DNAJB6: variants seen among roughly 807,000 people sequenced by gnomAD.
DNAJB6 encodes the protein dnaJ homolog subfamily B member 6.
DNAJB6 carries 16 observed loss-of-function variants against 42.7 expected under a neutral mutation model. The ratio of observed to expected loss-of-function variants is 0.37; its 90% confidence interval spans 0.25 to 0.57. The LOEUF is 0.57. Among genes scored for constraint, DNAJB6 ranks in the 20% least tolerant of loss-of-function variants. DNAJB6 has a pLI of 0.74. For synonymous variants in DNAJB6, 170 were observed against 163.5 expected (o/e 1.04, Z -0.30); for missense variants, 347 against 416.8 (o/e 0.83, Z 1.46).
chr7:157,365,837 T>G (rs182121868), intron 3 of DNAJB6, among the ~76,000 whole-genome samples: 1 of 150,990 alleles, frequency 6.6e-6, no homozygotes, highest in East Asian at 2.0e-4. Flanking sequence ...GCTAATTTTG[T>G]ATTTTTAGTA....
intron 7 of DNAJB6, 115 bp downstream of exon 7, chr7:157,385,123 G>T: frequency 1.8e-6 from 2 of 1,110,764 alleles, no homozygotes; most frequent in Non-Finnish European, 2.5e-6. Flanking sequence ...TAAATCTGGC[G>T]CCATGAAAAT....
Position 157,369,701 on chromosome 7 carries a change from C to T in DNAJB6, c.346+2218C>T, listed in dbSNP as rs187712626. ...TTATTATTAAACAGGCCTTTCATAACGTTATTATTAAACGGGCCCCTTCTT... is the reference window on the plus strand; with the variant it reads ...TTATTATTAAACAGGCCTTTCATAATGTTATTATTAAACGGGCCCCTTCTT... On this transcript the variant is annotated intron_variant, in intron 5 of 9. Transcript: ENST00000262177. 8.8e-3 allele frequency among the ~76,000 whole-genome samples: 1,264 copies of T among 143,086 alleles called. 16 individuals carry two copies. Among genetic ancestry groups the T allele is most frequent in the Middle Eastern group, 0.032 (8 of 250 alleles). The allele number at this position is 143,086 out of a possible 152,430, so 93.9% of individuals were successfully genotyped here. A position where few individuals can be genotyped will look rare whatever the true frequency, so the allele number is the denominator to read the frequency against.
chr7:157,395,723 C>T (rs191984353), intron 8 of DNAJB6, among the ~76,000 whole-genome samples: 5 of 133,780 alleles, frequency 3.7e-5, no homozygotes, highest in South Asian at 4.6e-4. Context: ...CATGCTCTGT[C>T]GCCCAGGCTG....
In DNAJB6 at chr7:157,416,688, A is replaced by G. The variant is rs1475001643; in HGVS notation, c.*590A>G. 1 of 152,272 alleles carries G rather than the reference A, an allele frequency of 6.6e-6. No individual in the cohort carries two copies. The highest frequency in any genetic ancestry group is 1.5e-5 in the Non-Finnish European group (1 of 68,102). 9.4% of individuals were successfully genotyped at this position (152,272 alleles called of 1,614,324 possible). On this transcript the variant is annotated 3_prime_UTR_variant, in exon 10 of 10. Transcript: ENST00000262177. ...TACTCTTTTAATTTTCATCCTTTGC[A>G]GGTAGTGCAAATTCAACTTCAAATA...
intron 2 of DNAJB6, 52 bp downstream of exon 2, chr7:157,358,689 A>G (rs1409455466): frequency 2.9e-6 from 4 of 1,397,236 alleles, no homozygotes; most frequent in East Asian, 4.6e-5. Flanking sequence ...TACATTGGTA[A>G]TTGAGTAGTA....
At chr7:157,406,959 G>A (rs1236507050) in intron 8 of DNAJB6, among the ~76,000 whole-genome samples, 1 of 152,182 alleles carries the variant, frequency 6.6e-6, no homozygotes, top group African/African-American at 2.4e-5. Context: ...AGCCCTGGTC[G>A]AGGCTGGACC....
chr7:157,392,538 C>T (rs1482520502), intron 8 of DNAJB6, among the ~76,000 whole-genome samples: 1 of 152,084 alleles, frequency 6.6e-6, no homozygotes, highest in Non-Finnish European at 1.5e-5. Flanking sequence ...GTGTGGGAAA[C>T]AGCCAGCTTT....
chr7:157,339,603 G>T (rs1345442708), intron 1 of DNAJB6, among the ~76,000 whole-genome samples: 18 of 24,844 alleles, frequency 7.2e-4, no homozygotes, highest in South Asian at 2.5e-3. Flanking sequence ...CCGGCCTTTT[G>T]TGTGTGTGTG....
At chr7:157,387,515 T>C (rs1488191871) in intron 8 of DNAJB6, among the ~76,000 whole-genome samples, 1 of 152,220 alleles carries the variant, frequency 6.6e-6, no homozygotes, top group African/African-American at 2.4e-5. Context: ...CGTTTTATAT[T>C]TTTCATTAGT....
chr7:157,410,222 C>T lies in DNAJB6; in HGVS notation c.898+221C>T. ...GGCCCCCCACCGTTAAAACGGGGTC[C>T]GCGTGTCCTGTACGCAGCGTGTTGC... On this transcript the variant is annotated intron_variant, in intron 9 of 9. Transcript: ENST00000262177. The T allele has an allele frequency of 3.5e-6, 4 of 1,143,956 alleles. No individual in the cohort carries two copies. The South Asian group carries it at 5.3e-5, about 15-fold the overall frequency. 70.9% of individuals were successfully genotyped at this position (1,143,956 alleles called of 1,614,324 possible).
chr7:157,341,277 A>G (rs558183608), intron 1 of DNAJB6, among the ~76,000 whole-genome samples: 29 of 151,964 alleles, frequency 1.9e-4, no homozygotes, highest in Non-Finnish European at 3.5e-4. Flanking sequence ...GGCACCTGCC[A>G]CTGCTCCCGA....
rs1006139938 is a variant in DNAJB6 at position 157,416,697 on chromosome 7, A to G, written c.*599A>G. 1.3e-5 allele frequency: 2 copies of G among 152,292 alleles called. No individual in the cohort carries two copies. Among genetic ancestry groups the G allele is most frequent in the African/African-American group, 4.8e-5 (2 of 41,464 alleles). The allele number at this position is 152,292 out of a possible 1,614,324, so 9.4% of individuals were successfully genotyped here. On this transcript the variant is annotated 3_prime_UTR_variant, in exon 10 of 10. Coordinates refer to ENST00000262177, the MANE Select transcript of DNAJB6 (RefSeq NM_058246.4). ...AATTTTCATCCTTTGCAGGTAGTGC[A>G]AATTCAACTTCAAATATGGTGTAGG...
chr7:157,388,010 T>C (rs998380857), intron 8 of DNAJB6, among the ~76,000 whole-genome samples: 3 of 152,110 alleles, frequency 2.0e-5, no homozygotes, highest in Non-Finnish European at 4.4e-5. Context: ...CACACTCAGC[T>C]AATTTTTGTA....
At chr7:157,341,536 C>T (rs1798381619) in intron 1 of DNAJB6, among the ~76,000 whole-genome samples, 1 of 152,138 alleles carries the variant, frequency 6.6e-6, no homozygotes, top group South Asian at 2.1e-4. Context: ...TACCTTTTGC[C>T]ACCAAAGGCT....
intron 6 of DNAJB6, among the ~76,000 whole-genome samples, chr7:157,383,907 T>C (rs909159721): frequency 6.6e-6 from 1 of 152,260 alleles, no homozygotes; most frequent in African/African-American, 2.4e-5. Context: ...TTGGATATAC[T>C]GTATTAAATA....
chr7:157,338,908 G>A (rs1474977400), intron 1 of DNAJB6, among the ~76,000 whole-genome samples: 1 of 152,212 alleles, frequency 6.6e-6, no homozygotes, highest in African/African-American at 2.4e-5. Context: ...AGGTGAGAAA[G>A]TTGGGAATTC....
intron 5 of DNAJB6, chr7:157,380,938 G>A (rs957471403): frequency 4.6e-5 from 7 of 152,154 alleles, no homozygotes; most frequent in East Asian, 1.9e-4. Context: ...CCACCTGTAC[G>A]TCGGTCCTTT....
At chr7:157,386,636 A>G (rs1265923094) in intron 8 of DNAJB6, among the ~76,000 whole-genome samples, 2 of 152,132 alleles carry the variant, frequency 1.3e-5, no homozygotes, top group Non-Finnish European at 2.9e-5. Context: ...TAATCCCAGC[A>G]CTTTGGGAGG....
chr7:157,381,477 A>G (rs907279352), intron 5 of DNAJB6: 34 of 152,188 alleles, frequency 2.2e-4, no homozygotes, highest in African/African-American at 7.2e-4. Flanking sequence ...GATAACAGCA[A>G]CAGAGGAAAA....
Sources: allele counts gnomAD v4.1 joint callset (sites outside exome capture counted in the v4.1 genomes callset), GRCh38; gene constraint gnomAD v4.1.1; transcripts MANE v1.5; gene names NCBI Gene and HGNC (gene_info 2026-07-23, HGNC 2026-07-21).